Variants in EMILIN2 observed in about 807,000 individuals in gnomAD.
EMILIN2 encodes elastin microfibril interfacer 2.
A neutral mutation model predicts 87.1 loss-of-function variants in EMILIN2; 71 were observed. The ratio of observed to expected loss-of-function variants is 0.82; its 90% CI spans 0.67 to 0.99. EMILIN2 has a LOEUF of 0.99. Ranked by LOEUF, EMILIN2 falls within the 50% of genes least tolerant of loss-of-function variation. The pLI, the probability that EMILIN2 is intolerant of heterozygous loss-of-function variation, is 0.00. For synonymous variants in EMILIN2, 581 were observed against 563.4 expected (o/e 1.03, Z -0.44); for missense variants, 1,407 against 1,371.8 (o/e 1.03, Z -0.40).
intron 4 of EMILIN2, among the ~76,000 whole-genome samples, chr18:2,898,220 G>A (rs998906216): frequency 6.6e-6 from 1 of 151,878 alleles, no homozygotes; most frequent in Admixed American, 6.6e-5. Flanking sequence ...CCCCACAAGT[G>A]GGGGTGTGTC....
chr18:2,890,666 A>AG lies in EMILIN2; in HGVS notation c.541dup (p.Glu181GlyfsTer20), dbSNP rs2076830325. ...CCAAAAGAGGGGCCTCAGGAACTTC[A>AG]GGAAAAGAAGATACAGGTGCTAGAG... On this transcript the variant is annotated frameshift_variant, in exon 4 of 8. Coordinates refer to ENST00000254528, the MANE Select transcript of EMILIN2 (RefSeq NM_032048.3). LOFTEE classifies it high-confidence loss of function. The surrounding 1 kb of genome is among the most constrained non-coding windows in gnomAD (Gnocchi z 4.7). The AG allele has an allele frequency of 1.2e-6, 2 of 1,614,028 alleles. No individual in the cohort carries two copies. The highest frequency in any genetic ancestry group is 2.7e-5 in the African/African-American group (2 of 74,934).
intron 3 of EMILIN2, among the ~76,000 whole-genome samples, chr18:2,886,170 G>A (rs1769249662): frequency 6.6e-6 from 1 of 152,020 alleles, no homozygotes; most frequent in Non-Finnish European, 1.5e-5. Context: ...TTCTATATCT[G>A]TCAGGCTCTA....
At chr18:2,911,520 T>C (rs994080244) in intron 7 of EMILIN2, among the ~76,000 whole-genome samples, 1 of 152,250 alleles carries the variant, frequency 6.6e-6, no homozygotes, top group Non-Finnish European at 1.5e-5. Context: ...ACTGCCTTTC[T>C]GTGGTGCTGG....
At chr18:2,886,723 G>A (rs671997) in intron 3 of EMILIN2, among the ~76,000 whole-genome samples, 67,173 of 151,990 alleles carry the variant, frequency 0.44, 15,419 homozygotes, top group South Asian at 0.5. Flanking sequence ...TCTTTCCTAC[G>A]CAGCTTTTTG....
intron 2 of EMILIN2, among the ~76,000 whole-genome samples, chr18:2,865,952 T>C (rs1365534370): frequency 6.6e-6 from 1 of 152,202 alleles, no homozygotes; most frequent in Non-Finnish European, 1.5e-5. Flanking sequence ...TGCAGTTTGA[T>C]CTCAGACTGC....
intron 2 of EMILIN2, among the ~76,000 whole-genome samples, chr18:2,864,544 T>C (rs2076676889): frequency 6.6e-6 from 1 of 152,232 alleles, no homozygotes; most frequent in Non-Finnish European, 1.5e-5. Flanking sequence ...TGTTGAATAT[T>C]GGCCCCCACT....
intron 4 of EMILIN2, among the ~76,000 whole-genome samples, chr18:2,900,022 C>G (rs1277075559): frequency 6.6e-6 from 1 of 152,136 alleles, no homozygotes; most frequent in Non-Finnish European, 1.5e-5. Flanking sequence ...ATATTTAGCC[C>G]TATCCCACGA....
At chr18:2,901,394 G>T (rs2076887664) in intron 4 of EMILIN2, among the ~76,000 whole-genome samples, 1 of 152,230 alleles carries the variant, frequency 6.6e-6, no homozygotes, top group Admixed American at 6.5e-5. Flanking sequence ...CTCGTTTTTA[G>T]CACATCAGCC....
chr18:2,897,923 C>T (rs994205576), intron 4 of EMILIN2, among the ~76,000 whole-genome samples: 27 of 151,444 alleles, frequency 1.8e-4, no homozygotes, highest in African/African-American at 5.8e-4. Context: ...TCATGTATCT[C>T]GTGTATCGAT....
At chr18:2,884,262 T>C (rs1486828711) in intron 2 of EMILIN2, among the ~76,000 whole-genome samples, 1 of 151,850 alleles carries the variant, frequency 6.6e-6, no homozygotes, top group Non-Finnish European at 1.5e-5. Context: ...AGCCTCTTTT[T>C]CTTTTTTTTG....
intron 4 of EMILIN2, 152 bp from the exon 5 acceptor site, chr18:2,906,631 C>T: frequency 1.8e-6 from 1 of 569,280 alleles, no homozygotes; most frequent in Non-Finnish European, 2.6e-6. Context: ...CGGGCGGACG[C>T]CCGTGTGTCC....
chr18:2,898,247 C>T (rs1482304654), intron 4 of EMILIN2, among the ~76,000 whole-genome samples: 1 of 152,266 alleles, frequency 6.6e-6, no homozygotes, highest in African/African-American at 2.4e-5. Flanking sequence ...ACAGGGTCTG[C>T]CTCCCAGGCA....
chr18:2,892,922 C>T (rs906900365), intron 4 of EMILIN2, among the ~76,000 whole-genome samples: 6 of 150,504 alleles, frequency 4.0e-5, no homozygotes, highest in East Asian at 1.9e-4. Flanking sequence ...TGTGGTGGCA[C>T]GCGCCTGTAG....
At chr18:2,876,515 C>T (rs1426173329) in intron 2 of EMILIN2, among the ~76,000 whole-genome samples, 11 of 124,476 alleles carry the variant, frequency 8.8e-5, no homozygotes, top group Admixed American at 4.5e-4. Context: ...GCCTGTAATC[C>T]CAGCACTTTG....
chr18:2,884,172 G>T (rs1312286523), intron 2 of EMILIN2, among the ~76,000 whole-genome samples: 1 of 152,132 alleles, frequency 6.6e-6, no homozygotes, highest in Non-Finnish European at 1.5e-5. Flanking sequence ...TAGCCAGGAT[G>T]GTCTCGATCT....
At chr18:2,852,551 C>A (rs1442696165) in intron 2 of EMILIN2, among the ~76,000 whole-genome samples, 1 of 152,210 alleles carries the variant, frequency 6.6e-6, no homozygotes, top group African/African-American at 2.4e-5. Flanking sequence ...CAGGGTCTCG[C>A]TCTATTGCCC....
At chr18:2,876,778 G>C (rs58381057) in intron 2 of EMILIN2, among the ~76,000 whole-genome samples, 1 of 151,456 alleles carries the variant, frequency 6.6e-6, no homozygotes, top group Non-Finnish European at 1.5e-5. Context: ...AAAATATATA[G>C]ATATATGTAC....
Position 2,913,169 on chromosome 18 carries a change from G to A in EMILIN2, c.2927G>A (p.Ser976Asn). 6.2e-7 allele frequency: 1 copy of A among 1,613,914 alleles called. No homozygotes were observed. Among genetic ancestry groups the A allele is most frequent in the Middle Eastern group, 1.6e-4 (1 of 6,062 alleles). The change falls in exon 8 of 8, where the codon AGC becomes AAC. Residue 976 changes from serine to asparagine, a missense_variant. Transcript: ENST00000254528. ...VEAVLSVSNA[S>N]VAQLHTAGYR... The stretch of plus-strand genomic sequence containing the variant: ...GCAGTGCTGTCGGTCTCCAACGCCA[G>A]CGTGGCCCAGCTGCATACCGCTGGG...
At chr18:2,905,939 A>G (rs533233733) in intron 4 of EMILIN2, among the ~76,000 whole-genome samples, 1 of 152,204 alleles carries the variant, frequency 6.6e-6, no homozygotes, top group African/African-American at 2.4e-5. Flanking sequence ...AGGGAGTTTT[A>G]AAACAAAACT....
Sources: gnomAD v4.1 joint callset for allele counts (sites outside exome capture counted in the v4.1 genomes callset) on GRCh38, gnomAD v4.1.1 for gene constraint, Gnocchi (gnomAD v3.1) non-coding constraint, MANE v1.5 for transcripts, NCBI Gene and HGNC (gene_info 2026-07-23, HGNC 2026-07-21) for gene names.